GPC5: variants seen among roughly 807,000 people sequenced by gnomAD.
GPC5 encodes the protein glypican 5, also known as glypican-5.
Under a neutral mutation model 53.9 loss-of-function variants are expected in GPC5, and 47 were observed. The ratio of observed to expected loss-of-function variants is 0.87; its 90% confidence interval spans 0.69 to 1.11. GPC5 has a LOEUF of 1.11. GPC5 is among the 50% of genes most tolerant of loss of function. GPC5 has a pLI of 0.00. For synonymous variants in GPC5, 286 were observed against 263.3 expected (o/e 1.09, Z -0.84); for missense variants, 748 against 713.1 (o/e 1.05, Z -0.56).
intron 6 of GPC5, among the ~76,000 whole-genome samples, chr13:92,056,172 T>C (rs1285149383): frequency 6.6e-6 from 1 of 152,208 alleles, no homozygotes; most frequent in East Asian, 1.9e-4. Context: ...CTTCCTTCTG[T>C]AGGCTCCAGA....
At chr13:92,747,614 T>C (rs1889271015) in intron 7 of GPC5, among the ~76,000 whole-genome samples, 1 of 152,172 alleles carries the variant, frequency 6.6e-6, no homozygotes, top group Non-Finnish European at 1.5e-5. Flanking sequence ...TGCCTCCACA[T>C]TAGCTTGCAC....
intron 7 of GPC5, among the ~76,000 whole-genome samples, chr13:92,374,226 G>A (rs958354761): frequency 6.6e-6 from 1 of 152,116 alleles, no homozygotes; most frequent in African/African-American, 2.4e-5. Flanking sequence ...TTTCTTTTAT[G>A]AGTTTAGATT....
rs371912542 is a variant in GPC5 at position 91,728,648 on chromosome 13, G to A, written c.1137G>A (p.Thr379=). Residue 379 remains threonine, a synonymous_variant, in exon 4 of 8, where the codon ACG becomes ACA. Coordinates refer to ENST00000377067, the MANE Select transcript of GPC5 (RefSeq NM_004466.6). ...MKTTTRNSEE[T]LANRRKEFIN... is the part of the protein sequence containing the mutation. ...CCACCACAAGGAACAGTGAAGAGAC[G>A]CTTGCCAACAGAAGAAAGTAAGACA... 45 of 1,609,914 alleles carry A rather than the reference G, an allele frequency of 2.8e-5. No homozygotes were observed. The highest frequency in any genetic ancestry group is 2.4e-4 in the Admixed American group (14 of 59,544).
intron 6 of GPC5, among the ~76,000 whole-genome samples, chr13:92,100,798 G>A (rs2138911469): frequency 6.6e-6 from 1 of 152,236 alleles, no homozygotes; most frequent in East Asian, 1.9e-4. Flanking sequence ...TTGTGCTATA[G>A]CATTAAAGTT....
intron 7 of GPC5, among the ~76,000 whole-genome samples, chr13:92,159,570 A>G (rs925804649): frequency 3.8e-5 from 5 of 130,890 alleles, no homozygotes. Context: ...TTGCTGCTCT[A>G]TGTAATCACT....
intron 7 of GPC5, among the ~76,000 whole-genome samples, chr13:92,862,216 T>C (rs550901737): frequency 2.6e-5 from 4 of 152,266 alleles, no homozygotes; most frequent in African/African-American, 4.8e-5. Context: ...CTTAATTATA[T>C]CAAACTTCCT....
intron 2 of GPC5, among the ~76,000 whole-genome samples, chr13:91,527,927 A>C (rs562361883): frequency 6.6e-6 from 1 of 152,128 alleles, no homozygotes; most frequent in African/African-American, 2.4e-5. Context: ...GCAGGGCACC[A>C]TGTCCCAAGG....
Position 91,537,886 on chromosome 13 carries a change from G to A in GPC5, c.325+88964G>A, listed in dbSNP as rs74790257. ...AGTTCAACTCGTAGATACATACACA[G>A]GAGAATTGAAAACGTATATTTACAC... On this transcript the variant is annotated intron_variant, in intron 2 of 7. Transcript: ENST00000377067. Among the ~76,000 whole-genome samples, 353 of 152,294 alleles carry A rather than the reference G, an allele frequency of 2.3e-3. 2 individuals carry two copies. Among genetic ancestry groups the A allele is most frequent in the African/African-American group, 8.1e-3 (337 of 41,574 alleles).
intron 6 of GPC5, among the ~76,000 whole-genome samples, chr13:92,042,910 C>T (rs1468124104): frequency 1.3e-5 from 2 of 152,018 alleles, no homozygotes; most frequent in African/African-American, 4.8e-5. Flanking sequence ...TATTTGTAAA[C>T]AATACAAATT....
At chr13:92,263,047 TAG>T (rs1246402378) in intron 7 of GPC5, among the ~76,000 whole-genome samples, 1 of 152,174 alleles carries the variant, frequency 6.6e-6, no homozygotes, top group African/African-American at 2.4e-5. Context: ...TTTTATGACA[TAG>T]AGAGTAGCCA....
chr13:91,771,618 A>G (rs1411621563), intron 5 of GPC5, among the ~76,000 whole-genome samples: 1 of 152,220 alleles, frequency 6.6e-6, no homozygotes, highest in East Asian at 1.9e-4. Context: ...TGATATGAAA[A>G]TGCTACAGAA....
intron 2 of GPC5, among the ~76,000 whole-genome samples, chr13:91,542,019 T>TAATTAATATTA (rs67065427): frequency 6.8e-6 from 1 of 147,002 alleles, no homozygotes; most frequent in East Asian, 2.0e-4. Context: ...GAGCTCTTAA[T>TAATTAATATTA]ATTAATTAAT....
chr13:91,620,882 T>C (rs1038895803), intron 2 of GPC5, among the ~76,000 whole-genome samples: 1 of 152,012 alleles, frequency 6.6e-6, no homozygotes, highest in African/African-American at 2.4e-5. Context: ...ATCCTAAAGA[T>C]GGTCTGCTGA....
intron 7 of GPC5, among the ~76,000 whole-genome samples, chr13:92,372,984 T>C (rs1184989668): frequency 6.6e-6 from 1 of 152,230 alleles, no homozygotes; most frequent in Non-Finnish European, 1.5e-5. Flanking sequence ...TATATCACTT[T>C]GGGATTATTT....
chr13:92,366,692 C>T (rs1378202810), intron 7 of GPC5, among the ~76,000 whole-genome samples: 20 of 152,164 alleles, frequency 1.3e-4, no homozygotes, highest in Admixed American at 1.3e-3. Flanking sequence ...AAATATTTGT[C>T]AGAGAAAAAG....
chr13:91,907,180 T>C (rs2039562027), intron 5 of GPC5, among the ~76,000 whole-genome samples: 1 of 149,294 alleles, frequency 6.7e-6, no homozygotes, highest in Admixed American at 6.7e-5. Flanking sequence ...CTGTTTGTTA[T>C]TGATGTATAC....
chr13:92,394,762 G>C (rs1403150430), intron 7 of GPC5, among the ~76,000 whole-genome samples: 1 of 152,028 alleles, frequency 6.6e-6, no homozygotes, highest in Non-Finnish European at 1.5e-5. Flanking sequence ...TATGTATATA[G>C]TTCTTTAAGA....
chr13:91,830,244 G>C (rs895762016), intron 5 of GPC5, among the ~76,000 whole-genome samples: 1 of 152,048 alleles, frequency 6.6e-6, no homozygotes, highest in African/African-American at 2.4e-5. Flanking sequence ...ATTTGCTTTT[G>C]AAAGAAGAGA....
At position 91,598,549 on chromosome 13, in the gene GPC5, G is replaced by T. The variant is rs41487351; in HGVS notation, c.326-94638G>T. Among the ~76,000 whole-genome samples the T allele has an allele frequency of 6.8e-3, 1,032 of 151,962 alleles. 12 individuals are homozygous for T. The highest frequency in any genetic ancestry group is 0.024 in the African/African-American group (1,007 of 41,474). ...TTGCCAATCACTGGCATTCTTGTAG[G>T]CCCAAAGTTCTTGTATCCCTTGGTT... is the stretch of plus-strand genomic sequence containing the variant. On this transcript the variant is annotated intron_variant, in intron 2 of 7. Coordinates refer to ENST00000377067, the MANE Select transcript of GPC5 (RefSeq NM_004466.6).
Sources: gnomAD v4.1 joint callset for allele counts (sites outside exome capture counted in the v4.1 genomes callset) on GRCh38, gnomAD v4.1.1 for gene constraint, MANE v1.5 for transcripts, NCBI Gene and HGNC (gene_info 2026-07-23, HGNC 2026-07-21) for gene names.